Variants in NRTN observed in about 807,000 individuals in gnomAD.
NRTN encodes the protein prepro-neurturin.
NRTN carries 3 observed loss-of-function variants against 7.5 expected under a neutral mutation model. The observed-to-expected ratio is 0.40, with a 90% CI of 0.18 to 1.03. The LOEUF (loss-of-function observed/expected upper bound fraction) is 1.03. Ranked by LOEUF, NRTN falls within the 50% of genes least tolerant of loss-of-function variation. The pLI, the probability that NRTN is intolerant of heterozygous loss-of-function variation, is 0.34. For missense variants in NRTN, 310 were observed against 307.0 expected, an observed-to-expected ratio of 1.01 and a Z score of -0.07; for synonymous variants, 157 against 146.6, an observed-to-expected ratio of 1.07 and a Z score of -0.51.
At position 5,828,272 on chromosome 19, in the gene NRTN, G is replaced by A; in HGVS notation, c.*99G>A. The A allele has an allele frequency of 1.5e-6, 2 of 1,335,318 alleles. No individual in the cohort carries two copies. Among genetic ancestry groups the A allele is most frequent in the East Asian group, 2.6e-5 (1 of 38,400 alleles). The allele number at this position is 1,335,318 out of a possible 1,614,324, so 82.7% of individuals were successfully genotyped here. A position where few individuals can be genotyped will look rare whatever the true frequency, so the allele number is the denominator to read the frequency against. ...CTGCGCGTGCGTAGAGCACGCCGGC[G>A]CGGCCCCGGGACTCTCGCGATAACT... On this transcript the variant is annotated 3_prime_UTR_variant, in exon 3 of 3. Transcript: ENST00000303212.
At position 5,827,912 on chromosome 19, in the gene NRTN, C is replaced by T. The variant is rs1268973109; in HGVS notation, c.333C>T (p.Arg111=). The T allele has an allele frequency of 1.4e-6, 2 of 1,450,850 alleles. No homozygotes were observed. The highest frequency in any genetic ancestry group is 2.2e-5 in the Admixed American group (1 of 45,908). 89.9% of individuals were successfully genotyped at this position (1,450,850 alleles called of 1,614,324 possible). Residue 111 remains arginine, a synonymous_variant, in exon 3 of 3, where the codon CGC becomes CGT. Coordinates refer to ENST00000303212, the MANE Select transcript of NRTN (RefSeq NM_004558.5). ...RPCGLRELEV[R]VSELGLGYAS... is the part of the protein sequence containing the mutation. Reference sequence around the variant, plus strand: ...GCGGGCTGCGCGAGCTGGAGGTGCGCGTGAGCGAGCTGGGCCTGGGCTACG... The same window carrying T: ...GCGGGCTGCGCGAGCTGGAGGTGCGTGTGAGCGAGCTGGGCCTGGGCTACG...
At chr19:5,823,690 C>T (rs991771700) in intron 1 of NRTN, 78 bp from the exon 2 acceptor site, 6 of 283,516 alleles carry the variant, frequency 2.1e-5, no homozygotes, top group Non-Finnish European at 3.5e-5. Context: ...AAACACCACC[C>T]TCCCCGCGCC....
rs1372948345 is a variant in NRTN, at chr19:5,814,731, CCTCT to C, written c.-398-9032_-398-9029del. Reference sequence around the variant, plus strand: ...CTGTGTGACGTTGGGCTGCTCTTTGCCTCTCTCTGAGTCCATTTCCCTTCTTTCC... The same window carrying C: ...CTGTGTGACGTTGGGCTGCTCTTTGCCTCTGAGTCCATTTCCCTTCTTTCC... On this transcript the variant is annotated intron_variant, in intron 1 of 2. Transcript: ENST00000303212. Among the ~76,000 whole-genome samples the C allele has an allele frequency of 2.0e-5, 3 of 152,334 alleles. No individual in the cohort carries two copies. The East Asian group carries it at 5.8e-4, about 29-fold the overall frequency.
chr19:5,806,271 C>T lies in NRTN; in HGVS notation c.-399+820C>T, dbSNP rs1330762483. On this transcript the variant is annotated intron_variant, in intron 1 of 2. Transcript: ENST00000303212. This position sits in a 1 kb window ranked among gnomAD's most constrained non-coding sequence, Gnocchi z 5.4. ...GAAATGGCTCTCCCAGGGTGAATGC[C>T]ACCACTGTCCCCTCCCCAGAACGCA... 6.6e-6 allele frequency among the ~76,000 whole-genome samples: 1 copy of T among 151,992 alleles called. No homozygotes were observed. The highest frequency in any genetic ancestry group is 1.5e-5 in the Non-Finnish European group (1 of 67,978).
intron 1 of NRTN, among the ~76,000 whole-genome samples, chr19:5,805,989 C>G (rs1399103539): frequency 6.6e-6 from 1 of 152,132 alleles, no homozygotes; most frequent in East Asian, 1.9e-4. Context: ...AGGGCCGGGC[C>G]CTCTCGGCTC....
chr19:5,809,612 C>A (rs1400306894), intron 1 of NRTN, among the ~76,000 whole-genome samples: 1 of 152,146 alleles, frequency 6.6e-6, no homozygotes, highest in Admixed American at 6.6e-5. Flanking sequence ...ACCACCGAGT[C>A]CCTGGTCCCC....
chr19:5,819,434 G>T (rs915767778), intron 1 of NRTN, among the ~76,000 whole-genome samples: 1 of 152,196 alleles, frequency 6.6e-6, no homozygotes, highest in Non-Finnish European at 1.5e-5. Context: ...GGCCAAAGCG[G>T]GTGGATCACC....
intron 2 of NRTN, 120 bp downstream of exon 2, chr19:5,824,454 C>T: frequency 4.7e-6 from 6 of 1,277,564 alleles, no homozygotes; most frequent in Non-Finnish European, 6.6e-6. Context: ...CCAGCCAGCC[C>T]CCTTGCAGGG....
intron 1 of NRTN, among the ~76,000 whole-genome samples, chr19:5,814,105 C>G (rs1400832925): frequency 6.6e-6 from 1 of 152,124 alleles, no homozygotes; most frequent in Non-Finnish European, 1.5e-5. Context: ...CCCCCACAGG[C>G]AAAAGTGTGC....
Position 5,824,136 on chromosome 19 carries a change from G to A in NRTN, c.-30G>A, listed in dbSNP as rs975214448. The A allele has an allele frequency of 5.6e-6, 9 of 1,601,694 alleles. No homozygotes were observed. The highest frequency in any genetic ancestry group is 2.2e-5 in the East Asian group (1 of 44,878). On this transcript the variant is annotated 5_prime_UTR_variant, in exon 2 of 3. Coordinates refer to ENST00000303212, the MANE Select transcript of NRTN (RefSeq NM_004558.5). ...TGCTGGAGGGACAGACGGGGCGTGC[G>A]GCTGACCATCCCGTGCCCGCAGGCT...
chr19:5,810,062 A>G (rs940554795), intron 1 of NRTN, among the ~76,000 whole-genome samples: 7 of 151,618 alleles, frequency 4.6e-5, no homozygotes, highest in African/African-American at 1.7e-4. Flanking sequence ...TCAGGAGATC[A>G]AGACCATCCT....
intron 1 of NRTN, among the ~76,000 whole-genome samples, chr19:5,818,716 C>T (rs190093113): frequency 2.0e-3 from 308 of 152,148 alleles, no homozygotes; most frequent in African/African-American, 6.7e-3. Context: ...CACAGGAACA[C>T]GCATTGTGCA....
In NRTN at chr19:5,828,233, G is replaced by A. The variant is rs2057056998; in HGVS notation, c.*60G>A. 3.3e-6 allele frequency: 5 copies of A among 1,513,120 alleles called. No individual in the cohort carries two copies. Among genetic ancestry groups the A allele is most frequent in the Admixed American group, 2.1e-5 (1 of 48,722 alleles). 93.7% of individuals were successfully genotyped at this position (1,513,120 alleles called of 1,614,324 possible). On this transcript the variant is annotated 3_prime_UTR_variant, in exon 3 of 3. Transcript: ENST00000303212. ...CCCCGCCTCGACGGCACCACTGGCCGGCCCCGCGAAAGACTGCGCGTGCGT... is the reference window on the plus strand; with the variant it reads ...CCCCGCCTCGACGGCACCACTGGCCAGCCCCGCGAAAGACTGCGCGTGCGT...
intron 1 of NRTN, among the ~76,000 whole-genome samples, chr19:5,807,876 A>T (rs1464995397): frequency 6.6e-6 from 1 of 152,238 alleles, no homozygotes; most frequent in Non-Finnish European, 1.5e-5. Flanking sequence ...TGAGCCCAGG[A>T]GTTCCAGACT....
At chr19:5,817,572 GAGGGAGGGAGGGAAAGAGAGGAAGGA>G (rs1459465272) in intron 1 of NRTN, among the ~76,000 whole-genome samples, 40 of 141,948 alleles carry the variant, frequency 2.8e-4, no homozygotes, top group African/African-American at 9.7e-4. Flanking sequence ...GGAAGGGAGG[GAGGGAGGGAGGGAAAGAGAGGAAGGA>G]AGGGAGGGAG....
At chr19:5,813,220 A>AT (rs958838382) in intron 1 of NRTN, among the ~76,000 whole-genome samples, 6 of 150,846 alleles carry the variant, frequency 4.0e-5, no homozygotes, top group Non-Finnish European at 7.4e-5. Context: ...ATTAAAAAAA[A>AT]TTTTTTTTAA....
chr19:5,822,671 G>C (rs1024315080), intron 1 of NRTN, among the ~76,000 whole-genome samples: 3 of 152,130 alleles, frequency 2.0e-5, no homozygotes, highest in Non-Finnish European at 4.4e-5. Context: ...GCCATGGAAG[G>C]CTCCCTGGAG....
At chr19:5,815,571 G>T (rs2057002737) in intron 1 of NRTN, among the ~76,000 whole-genome samples, 1 of 151,204 alleles carries the variant, frequency 6.6e-6, no homozygotes, top group Non-Finnish European at 1.5e-5. Context: ...TAATAGCTGG[G>T]ATTACAGGCG....
At chr19:5,821,775 C>G (rs2057025608) in intron 1 of NRTN, among the ~76,000 whole-genome samples, 1 of 152,078 alleles carries the variant, frequency 6.6e-6, no homozygotes, top group African/African-American at 2.4e-5. Flanking sequence ...GTTTAGATGC[C>G]CTCACGTTGG....
Sources: gnomAD v4.1 joint callset for allele counts (sites outside exome capture counted in the v4.1 genomes callset) on GRCh38, gnomAD v4.1.1 for gene constraint, Gnocchi (gnomAD v3.1) non-coding constraint, MANE v1.5 for transcripts, NCBI Gene and HGNC (gene_info 2026-07-23, HGNC 2026-07-21) for gene names.